The following SLC22A8 variants were observed in gnomAD, a reference collection of about 807,000 sequenced individuals.
The protein encoded by SLC22A8 is solute carrier family 22 member 8.
In SLC22A8, 40 loss-of-function variants were observed where a neutral mutation model predicts 48.4. The ratio of observed to expected loss-of-function variants is 0.83; its 90% confidence interval spans 0.64 to 1.08. The LOEUF (loss-of-function observed/expected upper bound fraction) is 1.08. Among genes scored for constraint, SLC22A8 ranks in the 50% least tolerant of loss-of-function variants. The pLI, the probability that SLC22A8 is intolerant of heterozygous loss-of-function variation, is 0.00. For missense variants in SLC22A8, 606 were observed against 699.0 expected (o/e 0.87, Z 1.50); for synonymous variants, 268 against 286.3 (o/e 0.94, Z 0.65).
At chr11:62,999,951 C>T (rs2086472062) in intron 3 of SLC22A8, 109 bp from the exon 4 acceptor site, 1 of 910,516 alleles carries the variant, frequency 1.1e-6, no homozygotes, top group Admixed American at 4.0e-5. Context: ...CAACCTTTCC[C>T]TGTTGGGCAC....
chr11:62,998,746 G>C (rs1207815369), intron 5 of SLC22A8, among the ~76,000 whole-genome samples, 175 bp downstream of exon 5: 1 of 152,134 alleles, frequency 6.6e-6, no homozygotes, highest in Non-Finnish European at 1.5e-5. Flanking sequence ...CCCCATCCCT[G>C]CTCTCTCCTG....
chr11:63,007,153 T>C (rs2086565589), intron 2 of SLC22A8, among the ~76,000 whole-genome samples: 1 of 152,158 alleles, frequency 6.6e-6, no homozygotes, highest in African/African-American at 2.4e-5. Context: ...TTGGAGTCCT[T>C]GGATTTAATT....
intron 2 of SLC22A8, among the ~76,000 whole-genome samples, chr11:63,004,642 C>A (rs2086535128): frequency 6.6e-6 from 1 of 152,182 alleles, no homozygotes; most frequent in African/African-American, 2.4e-5. Flanking sequence ...GTGCTTATAC[C>A]ATCAGAATGC....
chr11:62,996,878 C>A (rs1458058500), intron 5 of SLC22A8, among the ~76,000 whole-genome samples: 1 of 152,238 alleles, frequency 6.6e-6, no homozygotes, highest in Non-Finnish European at 1.5e-5. Flanking sequence ...GAAGTCTGGT[C>A]CAAGGCAGGA....
At chr11:63,000,259 G>A (rs1436073135) in intron 3 of SLC22A8, among the ~76,000 whole-genome samples, 5 of 152,194 alleles carry the variant, frequency 3.3e-5, no homozygotes, top group Admixed American at 1.3e-4. Flanking sequence ...CAAGATGGGA[G>A]GGTCACTTGA....
chr11:62,999,784 C>T lies in SLC22A8; in HGVS notation c.496G>A (p.Gly166Ser), dbSNP rs765559429. 1.4e-5 allele frequency: 23 copies of T among 1,605,428 alleles called. No homozygotes were observed. Among genetic ancestry groups the T allele is most frequent in the Non-Finnish European group, 1.6e-5 (19 of 1,175,840 alleles). Residue 166 changes from glycine (G) to serine (S), a missense_variant, in exon 4 of 11, where the codon GGT becomes AGT. By Grantham distance (56) the Gly-to-Ser change is moderately conservative. Coordinates refer to ENST00000336232, the MANE Select transcript of SLC22A8 (RefSeq NM_004254.4). ...SYLLLAASGS[G>S]AAFSPTFPIY... Reference sequence around the variant, plus strand: ...GGGAAGGTGGGGCTGAAGGCTGCACCGGAGCCGCTGGCTGCCAGCAGCAGG... The same window carrying T: ...GGGAAGGTGGGGCTGAAGGCTGCACTGGAGCCGCTGGCTGCCAGCAGCAGG...
chr11:63,004,418 C>T (rs111497907), intron 2 of SLC22A8, among the ~76,000 whole-genome samples: 410 of 152,282 alleles, frequency 2.7e-3, no homozygotes, highest in African/African-American at 9.0e-3. Context: ...TTGAATTGTT[C>T]GCCTTGCTGC....
rs1375786629 is a variant in SLC22A8, at chr11:63,000,827, C to T, written c.334-4G>A. On this transcript the variant is annotated splice_region_variant and splice_polypyrimidine_tract_variant and intron_variant, in intron 2 of 10. Coordinates refer to ENST00000336232, the MANE Select transcript of SLC22A8 (RefSeq NM_004254.4). The stretch of plus-strand genomic sequence containing the variant: ...TGGAGTTGCACACCAAGTCCCACTG[C>T]ACAAGAGAAAGGTAGGGCTAGCCTA... The T allele has an allele frequency of 1.9e-6, 3 of 1,610,240 alleles. No homozygotes were observed. The highest frequency in any genetic ancestry group is 1.7e-6 in the Non-Finnish European group (2 of 1,176,508).
At chr11:62,999,649 G>T in intron 4 of SLC22A8, 39 bp downstream of exon 4, 1 of 1,438,492 alleles carries the variant, frequency 7.0e-7, no homozygotes, top group Non-Finnish European at 9.2e-7. Flanking sequence ...TCTGGATGGT[G>T]CTCCCCAAAG....
Position 62,993,177 on chromosome 11 carries a change from TCCTA to T in SLC22A8, c.*56_*59del. The stretch of plus-strand genomic sequence containing the variant: ...GGACCTATATGGGGCCTCCCTATAC[TCCTA>T]AGGTGCCTGGCTAGGATCAGTCTCT... On this transcript the variant is annotated 3_prime_UTR_variant, in exon 11 of 11. Transcript: ENST00000336232. 7.3e-7 allele frequency: 1 copy of T among 1,366,492 alleles called. No homozygotes were observed. The highest frequency in any genetic ancestry group is 1.9e-5 in the Admixed American group (1 of 51,686). The allele number at this position is 1,366,492 out of a possible 1,614,324, so 84.6% of individuals were successfully genotyped here. A position where few individuals can be genotyped will look rare whatever the true frequency, so the allele number is the denominator to read the frequency against.
At chr11:63,010,349 G>A (rs1197740872) in intron 2 of SLC22A8, among the ~76,000 whole-genome samples, 1 of 152,118 alleles carries the variant, frequency 6.6e-6, no homozygotes, top group South Asian at 2.1e-4. Context: ...GACTGATCTC[G>A]CTCTTCACCA....
chr11:62,999,433 T>C, intron 4 of SLC22A8: 1 of 470,826 alleles, frequency 2.1e-6, no homozygotes, highest in South Asian at 5.1e-5. Flanking sequence ...TGTCACTTAC[T>C]TGCAAGTGGT....
Position 63,014,855 on chromosome 11 carries a change from T to C in SLC22A8, c.104A>G (p.Asn35Ser). The C allele has an allele frequency of 6.2e-7, 1 of 1,611,562 alleles. No homozygotes were observed. The highest frequency in any genetic ancestry group is 8.5e-7 in the Non-Finnish European group (1 of 1,178,308). Reference protein sequence around the residue: ...GLPILNMANHNLLQIFTAATP... With the variant: ...GLPILNMANHSLLQIFTAATP... ...GGCGGCTGTGAAGATCTGCAGCAGG[T>C]TGTGGTTGGCCATGTTGAGGATCGG... Residue 35 changes from asparagine to serine, a missense_variant, in exon 2 of 11, where the codon AAC (asparagine) becomes AGC (serine). Coordinates refer to ENST00000336232, the MANE Select transcript of SLC22A8 (RefSeq NM_004254.4).
chr11:63,002,601 T>A (rs934244268), intron 2 of SLC22A8, among the ~76,000 whole-genome samples: 4 of 152,180 alleles, frequency 2.6e-5, no homozygotes, highest in Non-Finnish European at 5.9e-5. Context: ...GACTTTTTTT[T>A]AAAGATACCA....
chr11:63,012,228 G>A (rs2086627379), intron 2 of SLC22A8, among the ~76,000 whole-genome samples: 1 of 152,066 alleles, frequency 6.6e-6, no homozygotes, highest in Non-Finnish European at 1.5e-5. Context: ...GACCTCAGGT[G>A]ATCTGCCTGC....
chr11:63,005,329 A>G (rs1316373362), intron 2 of SLC22A8, among the ~76,000 whole-genome samples: 1 of 152,238 alleles, frequency 6.6e-6, no homozygotes. Context: ...TAATAACCTT[A>G]TAAAGTAGGT....
rs1281568697 is a variant in SLC22A8, at chr11:62,998,960, G to C, written c.722C>G (p.Thr241Ser). 6.2e-7 allele frequency: 1 copy of C among 1,613,876 alleles called. No individual in the cohort carries two copies. Among genetic ancestry groups the C allele is most frequent in the South Asian group, 1.1e-5 (1 of 91,062 alleles). Residue 241 changes from threonine (T) to serine (S), a missense_variant, in exon 5 of 11, where the codon ACT (threonine) becomes AGT (serine). Coordinates refer to ENST00000336232, the MANE Select transcript of SLC22A8 (RefSeq NM_004254.4). The stretch of plus-strand genomic sequence containing the variant: ...GAAGACGAAGAAGGGAATGGACACA[G>C]TTAACTGCAGCCAACGCCACTGGGG... Reference protein sequence around the residue: ...AIPQWRWLQLTVSIPFFVFFL... With the variant: ...AIPQWRWLQLSVSIPFFVFFL...
At position 62,994,575 on chromosome 11, in the gene SLC22A8, C is replaced by T; in HGVS notation, c.1183G>A (p.Gly395Arg). 1.2e-6 allele frequency: 2 copies of T among 1,612,900 alleles called. No individual in the cohort carries two copies. The highest frequency in any genetic ancestry group is 1.7e-6 in the Non-Finnish European group (2 of 1,179,460). ...ACAAAGGTGAGAGCCAAGATGGCCC[C>T]TCCTGCCAGGAGCAGGGCAGCGGCC... ...TQAAALLLAG[G>R]AILALTFVPL... is the part of the protein sequence containing the mutation. The change falls in exon 8 of 11, where the codon GGG (glycine) becomes AGG (arginine). Residue 395 changes from glycine (G) to arginine (R), a missense_variant. Gly to Arg is a moderately radical substitution (Grantham distance 125, BLOSUM62 -2). Coordinates refer to ENST00000336232, the MANE Select transcript of SLC22A8 (RefSeq NM_004254.4).
Position 62,996,064 on chromosome 11 carries a change from C to T in SLC22A8, c.850G>A (p.Gly284Ser). The change falls in exon 6 of 11, where the codon GGC (glycine) becomes AGC (serine). Residue 284 changes from glycine (G) to serine (S), a missense_variant. Coordinates refer to ENST00000336232, the MANE Select transcript of SLC22A8 (RefSeq NM_004254.4). ...KILRRVAVFN[G>S]KKEEGERLSL... Reference sequence around the variant, plus strand: ...AGCCTTTCTCCCTCTTCCTTCTTGCCATTGAAGACAGCCACCCGCCGGAGT... The same window carrying T: ...AGCCTTTCTCCCTCTTCCTTCTTGCTATTGAAGACAGCCACCCGCCGGAGT... The T allele has an allele frequency of 6.2e-7, 1 of 1,614,072 alleles. No homozygotes were observed. Among genetic ancestry groups the T allele is most frequent in the South Asian group, 1.1e-5 (1 of 91,072 alleles).
Sources: gnomAD v4.1 joint callset for allele counts (sites outside exome capture counted in the v4.1 genomes callset) on GRCh38, gnomAD v4.1.1 for gene constraint, MANE v1.5 for transcripts, NCBI Gene and HGNC (gene_info 2026-07-23, HGNC 2026-07-21) for gene names.